Variants in TDRD12 observed in about 807,000 individuals in gnomAD.
The protein encoded by TDRD12 is tudor domain containing 12.
A neutral mutation model predicts 133.5 loss-of-function variants in TDRD12; 158 were observed. The observed-to-expected ratio is 1.18, with a 90% CI of 1.04 to 1.35. The LOEUF (loss-of-function observed/expected upper bound fraction) is 1.35, where lower values mean the gene tolerates loss of function less well. Ranked by LOEUF, TDRD12 falls within the 40% of genes most tolerant of loss-of-function variation. TDRD12 has a pLI of 0.00. For missense variants in TDRD12, 1,443 were observed against 1,321.3 expected (o/e 1.09, Z -1.43); for synonymous variants, 460 against 477.9 (o/e 0.96, Z 0.49).
At chr19:32,778,142 C>T (rs1970661574) in intron 11 of TDRD12, among the ~76,000 whole-genome samples, 1 of 151,964 alleles carries the variant, frequency 6.6e-6, no homozygotes, top group Non-Finnish European at 1.5e-5. Context: ...GCTGTTTCCA[C>T]TGGTTGGCCT....
At chr19:32,748,361 C>T (rs1390001097) in intron 4 of TDRD12, 115 bp from the exon 5 acceptor site, 7 of 1,039,336 alleles carry the variant, frequency 6.7e-6, no homozygotes, top group Admixed American at 4.9e-5. Flanking sequence ...CCATCATCTG[C>T]ATCACGTGTT....
rs951385853 is a variant in TDRD12, at chr19:32,772,827, A to G, written c.940A>G (p.Ile314Val). The G allele has an allele frequency of 7.5e-5, 113 of 1,502,640 alleles. No homozygotes were observed. Among genetic ancestry groups the G allele is most frequent in the Non-Finnish European group, 9.8e-5 (110 of 1,122,360 alleles). The allele number at this position is 1,502,640 out of a possible 1,614,324, so 93.1% of individuals were successfully genotyped here. The change falls in exon 9 of 28, where the codon ATC becomes GTC. Residue 314 changes from isoleucine (I) to valine (V), a missense_variant. Physicochemically the swap from Ile to Val is conservative, Grantham distance 29 (BLOSUM62 3). Coordinates refer to ENST00000444215, the Ensembl canonical transcript of TDRD12. Reference sequence around the variant, plus strand: ...CAAATCTGAAAAGAAACACCATTGCATCTCTTTAAAAGATACAAATAAGGT... The same window carrying G: ...CAAATCTGAAAAGAAACACCATTGCGTCTCTTTAAAAGATACAAATAAGGT...
chr19:32,736,344 A>G (rs1381168792), intron 2 of TDRD12, among the ~76,000 whole-genome samples: 4 of 152,172 alleles, frequency 2.6e-5, no homozygotes, highest in African/African-American at 9.6e-5. Context: ...TGGGCCCAGG[A>G]GTTTGAGTCC....
chr19:32,753,032 T>C (rs1382244047), intron 6 of TDRD12, among the ~76,000 whole-genome samples: 2 of 152,006 alleles, frequency 1.3e-5, no homozygotes, highest in Non-Finnish European at 2.9e-5. Context: ...GACCTCGTGA[T>C]CCTCCCACCT....
intron 4 of TDRD12, among the ~76,000 whole-genome samples, chr19:32,746,658 CAG>C (rs377346334): frequency 1.3e-3 from 93 of 71,900 alleles, no homozygotes; most frequent in Middle Eastern, 0.012. Flanking sequence ...CTGTGTGTGA[CAG>C]AGGGGGAGAG....
At chr19:32,763,447 T>C (rs1384359715) in intron 8 of TDRD12, among the ~76,000 whole-genome samples, 1 of 152,138 alleles carries the variant, frequency 6.6e-6, no homozygotes. Context: ...TTGTGTTATT[T>C]TCCTCCCCCA....
intron 12 of TDRD12, 43 bp downstream of exon 12, chr19:32,790,634 A>C: frequency 1.9e-6 from 3 of 1,551,528 alleles, no homozygotes; most frequent in Non-Finnish European, 2.6e-6. Flanking sequence ...AGAGAGAAAA[A>C]ACTGTTTATT....
chr19:32,774,192 C>A (rs999679434), intron 10 of TDRD12, among the ~76,000 whole-genome samples: 1 of 152,200 alleles, frequency 6.6e-6, no homozygotes. Context: ...CCCCTCGTGT[C>A]GTGGACTTTA....
intron 10 of TDRD12, among the ~76,000 whole-genome samples, chr19:32,774,271 A>G (rs1276396690): frequency 6.6e-6 from 1 of 152,210 alleles, no homozygotes. Context: ...ACTTTTATTT[A>G]AATAGTCAAT....
rs149476488 is a variant in TDRD12, at chr19:32,775,838, G to T, written c.1041-1311G>T. 6.5e-3 allele frequency among the ~76,000 whole-genome samples: 984 copies of T among 152,202 alleles called. 8 individuals carry two copies. Among genetic ancestry groups the T allele is most frequent in the African/African-American group, 0.019 (800 of 41,512 alleles). The stretch of plus-strand genomic sequence containing the variant: ...CAGTCGATCTGGTTTTCCTGGGCCC[G>T]TGTGTGCTGAGTAACTTTGGACTCA... On this transcript the variant is annotated intron_variant, in intron 10 of 27. Transcript: ENST00000444215.
intron 8 of TDRD12, among the ~76,000 whole-genome samples, chr19:32,766,578 T>G (rs1375822829): frequency 1.3e-5 from 2 of 152,154 alleles, no homozygotes; most frequent in African/African-American, 4.8e-5. Flanking sequence ...ATTAAGCACC[T>G]TTTGTGTTCC....
At chr19:32,742,683 G>T in intron 3 of TDRD12, 98 bp from the exon 4 acceptor site, 3 of 1,237,784 alleles carry the variant, frequency 2.4e-6, no homozygotes, top group Non-Finnish European at 3.3e-6. Context: ...TGTGTGTTTT[G>T]TTTTACATTA....
Position 32,803,209 on chromosome 19 carries a change from A to G in TDRD12, c.2552+67A>G, listed in dbSNP as rs139583761. The G allele has an allele frequency of 3.8e-4, 455 of 1,202,948 alleles. 1 individual carries two copies. The African/African-American group carries it at 6.3e-3, about 17-fold the overall frequency. The allele number at this position is 1,202,948 out of a possible 1,614,324, so 74.5% of individuals were successfully genotyped here. On this transcript the variant is annotated intron_variant, in intron 21 of 27. Coordinates refer to ENST00000444215, the Ensembl canonical transcript of TDRD12. ...TGCAGTAAGGTGCACAGCTGTTGCA[A>G]TGTGGTGAATTGTCATGTATCTAGA... is the stretch of plus-strand genomic sequence containing the variant.
intron 8 of TDRD12, among the ~76,000 whole-genome samples, chr19:32,758,590 T>C (rs533576433): frequency 6.6e-6 from 1 of 152,246 alleles, no homozygotes; most frequent in South Asian, 2.1e-4. Flanking sequence ...TTTGCTGCTA[T>C]CAATAGCCCA....
chr19:32,823,390 G>C (rs528546047), downstream of TDRD12, among the ~76,000 whole-genome samples: 2 of 152,140 alleles, frequency 1.3e-5, no homozygotes, highest in South Asian at 2.1e-4. Flanking sequence ...TTTTTGGGGG[G>C]TGGGAGGGGA....
exon 14 of TDRD12, chr19:32,794,809 A>G: frequency 1.4e-6 from 1 of 703,134 alleles, no homozygotes; most frequent in Admixed American, 2.0e-5. Context: ...CCAAGTAGAA[A>G]TGGAGTAAGT....
At chr19:32,772,661 TGGTA>T in intron 8 of TDRD12, 88 bp from the exon 9 acceptor site, 1 of 694,018 alleles carries the variant, frequency 1.4e-6, no homozygotes. Context: ...GATTTTATAA[TGGTA>T]TTTGCTTTTA....
intron 2 of TDRD12, among the ~76,000 whole-genome samples, chr19:32,736,737 C>G (rs898588022): frequency 6.6e-6 from 1 of 152,220 alleles, no homozygotes; most frequent in African/African-American, 2.4e-5. Context: ...GAGCGCAGCT[C>G]TCCTGCTGGA....
At chr19:32,819,285 C>T (rs1256541318) in intron 27 of TDRD12, among the ~76,000 whole-genome samples, 1 of 149,186 alleles carries the variant, frequency 6.7e-6, no homozygotes, top group South Asian at 2.1e-4. Context: ...CCACTGCACT[C>T]CAGCCTGGGT....
Sources: gnomAD v4.1 joint callset for allele counts (sites outside exome capture counted in the v4.1 genomes callset) on GRCh38, gnomAD v4.1.1 for gene constraint, MANE v1.5 for transcripts, NCBI Gene and HGNC (gene_info 2026-07-23, HGNC 2026-07-21) for gene names.